The following CEP290 variants were observed in gnomAD, a reference collection of about 807,000 sequenced individuals.
The protein encoded by CEP290 is centrosomal protein of 290 kDa.
A neutral mutation model predicts 344.9 loss-of-function variants in CEP290; 317 were observed. That is an observed-to-expected ratio of 0.92 (90% CI 0.84 to 1.01). The LOEUF (loss-of-function observed/expected upper bound fraction) is 1.01, where lower values mean the gene tolerates loss of function less well. Among genes scored for constraint, CEP290 ranks in the 50% least tolerant of loss-of-function variants. The pLI, the probability that CEP290 is intolerant of heterozygous loss-of-function variation, is 0.00. For missense variants in CEP290, 2,754 were observed against 2,761.4 expected (o/e 1.00, Z 0.06); for synonymous variants, 932 against 895.8 (o/e 1.04, Z -0.72).
chr12:88,128,897 A>T (rs769508685), intron 11 of CEP290, 49 bp downstream of exon 11: 1 of 1,145,814 alleles, frequency 8.7e-7, no homozygotes, highest in Non-Finnish European at 1.2e-6. Context: ...TAAAATTTAA[A>T]TCTAAAATAC....
intron 6 of CEP290, among the ~76,000 whole-genome samples, chr12:88,133,188 G>A (rs1477238960): frequency 6.7e-6 from 1 of 149,406 alleles, no homozygotes; most frequent in African/African-American, 2.5e-5. Flanking sequence ...TCATTCTCCT[G>A]CCTCAGCCTC....
rs775663498 is a variant in CEP290, at chr12:88,089,131, T to C, written c.3930A>G (p.Glu1310=). Residue 1310 remains glutamate (E), a synonymous_variant, in exon 31 of 54, where the codon GAA becomes GAG. Transcript: ENST00000552810. ...IMQEMKNSQQ[E]HRNMENKTLE... is the part of the protein sequence containing the mutation. ...ATGTTTTGTTCTCCATATTTCTATG[T>C]TCTTGTTGAGAATTTTTCATTTCTT... The C allele has an allele frequency of 1.9e-6, 3 of 1,598,472 alleles. No individual in the cohort carries two copies. The East Asian group carries it at 6.7e-5, about 36-fold the overall frequency.
At chr12:88,115,529 C>T (rs2038987179) in intron 18 of CEP290, 1 of 1,293,934 alleles carries the variant, frequency 7.7e-7, no homozygotes, top group Non-Finnish European at 1.0e-6. Flanking sequence ...CATTTCTACA[C>T]TCTGCTTCTT....
chr12:88,133,571 T>C (rs1319689640), intron 6 of CEP290, among the ~76,000 whole-genome samples: 2 of 152,198 alleles, frequency 1.3e-5, no homozygotes, highest in African/African-American at 4.8e-5. Context: ...TTTGGGTATA[T>C]ACCCAGTAAT....
chr12:88,128,172 A>T (rs1447764992), intron 11 of CEP290, among the ~76,000 whole-genome samples: 1 of 152,130 alleles, frequency 6.6e-6, no homozygotes, highest in Non-Finnish European at 1.5e-5. Context: ...CAGGTGGTCT[A>T]AAATATTCAC....
At chr12:88,055,528 C>T (rs375563137) in intron 50 of CEP290, 48 bp downstream of exon 50, 53 of 1,467,562 alleles carry the variant, frequency 3.6e-5, no homozygotes, top group African/African-American at 3.6e-4. Flanking sequence ...GAACATCTTG[C>T]GATATTATGC....
chr12:88,101,803 A>G (rs2037913236), intron 26 of CEP290, among the ~76,000 whole-genome samples: 1 of 152,212 alleles, frequency 6.6e-6, no homozygotes, highest in East Asian at 1.9e-4. Context: ...GACAGAGGAC[A>G]TGGAGAATGG....
At chr12:88,128,060 T>C (rs2039840319) in intron 11 of CEP290, among the ~76,000 whole-genome samples, 1 of 152,144 alleles carries the variant, frequency 6.6e-6, no homozygotes, top group Admixed American at 6.6e-5. Context: ...TCCCATCTGC[T>C]TTTGTAAATA....
chr12:88,064,452 T>C (rs1032377130), intron 44 of CEP290, among the ~76,000 whole-genome samples: 4 of 152,130 alleles, frequency 2.6e-5, no homozygotes, highest in Non-Finnish European at 4.4e-5. Flanking sequence ...TATCTAACCG[T>C]TATGGGTTGA....
chr12:88,079,291 T>C (rs1489891885), intron 38 of CEP290, 62 bp from the exon 39 acceptor site: 59 of 1,275,206 alleles, frequency 4.6e-5, no homozygotes, highest in Non-Finnish European at 6.0e-5. Context: ...TATATGAATA[T>C]ATGATATAAA....
Position 88,102,903 on chromosome 12 carries a change from A to T in CEP290, c.2926T>A (p.Tyr976Asn). The change falls in exon 26 of 54, where the codon TAC (tyrosine) becomes AAC (asparagine). Residue 976 changes from tyrosine to asparagine, a missense_variant. By Grantham distance (143) the Tyr-to-Asn change is moderately radical. Coordinates refer to ENST00000552810, the MANE Select transcript of CEP290 (RefSeq NM_025114.4). ...NKQYNELTAK[Y>N]RDILQKDNML... is the part of the protein sequence containing the mutation. Reference sequence around the variant, plus strand: ...TTATCTTTTTGCAAGATGTCCCTGTACTTAGCAGTCAGTTCATTGTACTGT... The same window carrying T: ...TTATCTTTTTGCAAGATGTCCCTGTTCTTAGCAGTCAGTTCATTGTACTGT... 1 of 1,611,176 alleles carries T rather than the reference A, an allele frequency of 6.2e-7. No homozygotes were observed. Among genetic ancestry groups the T allele is most frequent in the Non-Finnish European group, 8.5e-7 (1 of 1,178,774 alleles).
chr12:88,111,580 G>T, intron 21 of CEP290, 114 bp downstream of exon 21: 2 of 930,274 alleles, frequency 2.1e-6, no homozygotes, highest in Non-Finnish European at 3.1e-6. Flanking sequence ...AATATTGAAA[G>T]AATTAATTCA....
intron 23 of CEP290, among the ~76,000 whole-genome samples, chr12:88,107,774 T>C (rs2137637992): frequency 6.6e-6 from 1 of 152,042 alleles, no homozygotes; most frequent in African/African-American, 2.4e-5. Flanking sequence ...TGGTGGCACA[T>C]GCCTGTAATC....
At chr12:88,110,276 T>C (rs1176002530) in intron 22 of CEP290, among the ~76,000 whole-genome samples, 1 of 152,166 alleles carries the variant, frequency 6.6e-6, no homozygotes, top group Non-Finnish European at 1.5e-5. Flanking sequence ...CATTAGGACA[T>C]TCATAACGAC....
intron 22 of CEP290, 133 bp downstream of exon 22, chr12:88,111,069 C>T: frequency 2.1e-6 from 1 of 466,694 alleles, no homozygotes; most frequent in Non-Finnish European, 3.7e-6. Context: ...GAGAAAAGTA[C>T]TATCTGCATG....
intron 23 of CEP290, among the ~76,000 whole-genome samples, chr12:88,107,791 A>G (rs538628933): frequency 1.3e-5 from 2 of 152,036 alleles, no homozygotes; most frequent in East Asian, 1.9e-4. Context: ...AATCTCAGCT[A>G]CTTGGGAGGC....
chr12:88,050,649 G>A (rs535923609), intron 52 of CEP290, among the ~76,000 whole-genome samples: 1 of 152,290 alleles, frequency 6.6e-6, no homozygotes, highest in East Asian at 1.9e-4. Flanking sequence ...AGAGGTATGT[G>A]CTAGGTATTA....
At chr12:88,112,255 G>A (rs1232330679) in intron 20 of CEP290, among the ~76,000 whole-genome samples, 4 of 151,970 alleles carry the variant, frequency 2.6e-5, no homozygotes, top group African/African-American at 9.7e-5. Flanking sequence ...TCCCTACATG[G>A]GGTTTTTGTA....
intron 20 of CEP290, among the ~76,000 whole-genome samples, chr12:88,112,059 T>C (rs1444820964): frequency 5.9e-5 from 9 of 152,152 alleles, no homozygotes; most frequent in Non-Finnish European, 1.3e-4. Context: ...AGTAATTACT[T>C]CATTAAAACA....
Sources: gnomAD v4.1 joint callset for allele counts (sites outside exome capture counted in the v4.1 genomes callset) on GRCh38, gnomAD v4.1.1 for gene constraint, MANE v1.5 for transcripts, NCBI Gene and HGNC (gene_info 2026-07-23, HGNC 2026-07-21) for gene names.